EFCAB12: variants seen among roughly 807,000 people sequenced by gnomAD.
EFCAB12 encodes the protein EF-hand calcium binding domain 12, also known as EF-hand calcium-binding domain-containing protein 12.
Under a neutral mutation model 53.6 loss-of-function variants are expected in EFCAB12, and 43 were observed. The observed-to-expected ratio is 0.80, with a 90% CI of 0.63 to 1.03. The LOEUF (loss-of-function observed/expected upper bound fraction) is 1.03, where lower values mean the gene tolerates loss of function less well. Among genes scored for constraint, EFCAB12 ranks in the 50% least tolerant of loss-of-function variants. EFCAB12 has a pLI of 0.00. For missense variants in EFCAB12, 646 were observed against 730.6 expected (o/e 0.88, Z 1.34); for synonymous variants, 269 against 289.2 (o/e 0.93, Z 0.71).
At chr3:129,414,942 C>T (rs1559788584) in intron 4 of EFCAB12, 4 of 239,518 alleles carry the variant, frequency 1.7e-5, no homozygotes, top group Non-Finnish European at 3.2e-5. Context: ...GAAAGGCTTG[C>T]CATTTGGGTC....
Position 129,408,817 on chromosome 3 carries a change from C to T in EFCAB12, c.1077G>A (p.Leu359=). 1.3e-6 allele frequency: 2 copies of T among 1,577,004 alleles called. No homozygotes were observed. The highest frequency in any genetic ancestry group is 1.7e-6 in the Non-Finnish European group (2 of 1,161,244). Residue 359 remains leucine (L), a synonymous_variant, in exon 6 of 9, where the codon CTG becomes CTA. Transcript: ENST00000505956. ...PSIQYTEQCH[L]VRCGNRHFDE... Reference sequence around the variant, plus strand: ...CAAAGTGCCGATTCCCACAGCGCACCAGGTGACATTGCTCCGTGTACTGGA... The same window carrying T: ...CAAAGTGCCGATTCCCACAGCGCACTAGGTGACATTGCTCCGTGTACTGGA...
At chr3:129,415,091 G>T in intron 4 of EFCAB12, 154 bp downstream of exon 4, 1 of 824,080 alleles carries the variant, frequency 1.2e-6, no homozygotes, top group Non-Finnish European at 1.8e-6. Context: ...TAATCTCTGG[G>T]CCTGAAAATT....
intron 2 of EFCAB12, among the ~76,000 whole-genome samples, chr3:129,420,912 G>T (rs1404171814): frequency 6.6e-6 from 1 of 152,226 alleles, no homozygotes; most frequent in African/African-American, 2.4e-5. Flanking sequence ...TCTGGGGGAT[G>T]CCAGCAGACA....
chr3:129,410,628 A>G (rs1246488516), intron 5 of EFCAB12, among the ~76,000 whole-genome samples: 1 of 152,162 alleles, frequency 6.6e-6, no homozygotes, highest in East Asian at 1.9e-4. Context: ...TATATTATAT[A>G]TGAATATTTA....
intron 2 of EFCAB12, among the ~76,000 whole-genome samples, chr3:129,420,319 C>G (rs2072173199): frequency 6.6e-6 from 1 of 152,130 alleles, no homozygotes; most frequent in Non-Finnish European, 1.5e-5. Flanking sequence ...GAGGTAGGAA[C>G]AATGGTTGTC....
chr3:129,428,171 C>A (rs2072293944), intron 1 of EFCAB12, among the ~76,000 whole-genome samples: 1 of 152,236 alleles, frequency 6.6e-6, no homozygotes, highest in Non-Finnish European at 1.5e-5. Context: ...CTTCTCCATG[C>A]CTCTCCTCCA....
At chr3:129,419,472 T>A (rs1195665223) in intron 2 of EFCAB12, among the ~76,000 whole-genome samples, 1 of 152,224 alleles carries the variant, frequency 6.6e-6, no homozygotes, top group Non-Finnish European at 1.5e-5. Context: ...TCTGCTCTTA[T>A]GAATCCATTA....
At chr3:129,418,478 A>C (rs2072150180) in intron 2 of EFCAB12, 30 bp from the exon 3 acceptor site, 1 of 1,563,400 alleles carries the variant, frequency 6.4e-7, no homozygotes, top group Non-Finnish European at 8.7e-7. Flanking sequence ...AGGGCAGAGG[A>C]GAGAGTTCAA....
In EFCAB12 at chr3:129,401,750, A is replaced by G. The variant is rs568283923; in HGVS notation, c.1562T>C (p.Val521Ala). The G allele has an allele frequency of 6.2e-7, 1 of 1,607,310 alleles. No homozygotes were observed. Residue 521 changes from valine to alanine, a missense_variant, in exon 9 of 9, where the codon GTG (valine) becomes GCG (alanine). Coordinates refer to ENST00000505956, the MANE Select transcript of EFCAB12 (RefSeq NM_207307.3). ...GAGCGCCAGGCTCCGGTCTGTGGCCACAGTGGGCAGGTAGAGCTGCAGCTT... is the reference window on the plus strand; with the variant it reads ...GAGCGCCAGGCTCCGGTCTGTGGCCGCAGTGGGCAGGTAGAGCTGCAGCTT... ...LDKLQLYLPT[V>A]ATDRSLALFS...
chr3:129,403,402 C>T (rs1209501155), intron 7 of EFCAB12: 1 of 152,308 alleles, frequency 6.6e-6, no homozygotes, highest in Non-Finnish European at 1.5e-5. Context: ...GGCCCCTTTA[C>T]ATATGAAGAT....
In EFCAB12 at chr3:129,421,667, C is replaced by A; in HGVS notation, c.186G>T (p.Val62=). ...GGGGTGTCTGATCCTCCTTGCGAGG[C>A]ACCATGATGATTCGCCGGCGGGTCT... ...LPQTRRRIIM[V]PRKEDQTPLN... The change falls in exon 2 of 9, where the codon GTG becomes GTT. Residue 62 remains valine (V), a synonymous_variant. Transcript: ENST00000505956. The A allele has an allele frequency of 6.2e-7, 1 of 1,613,964 alleles. No homozygotes were observed. Among genetic ancestry groups the A allele is most frequent in the Non-Finnish European group, 8.5e-7 (1 of 1,179,892 alleles).
rs540464664 is a variant in EFCAB12 at position 129,408,001 on chromosome 3, C to T, written c.1249+644G>A. ...GTCATCTCGGGGCTGGGCCCTTCTC[C>T]GCTCCCACATATTAGAAGTGCTCAC... On this transcript the variant is annotated intron_variant, in intron 6 of 8. Transcript: ENST00000505956. 4.6e-5 allele frequency among the ~76,000 whole-genome samples: 7 copies of T among 152,290 alleles called. No homozygotes were observed. The South Asian group carries it at 8.3e-4, about 18-fold the overall frequency.
intron 3 of EFCAB12, among the ~76,000 whole-genome samples, chr3:129,416,166 C>A (rs1160260957): frequency 1.3e-5 from 2 of 151,620 alleles, no homozygotes; most frequent in Non-Finnish European, 2.9e-5. Context: ...CGTTTGTAAA[C>A]CCAGCACTTT....
At chr3:129,402,762 C>T in intron 7 of EFCAB12, 183 bp from the exon 8 acceptor site, 3 of 608,564 alleles carry the variant, frequency 4.9e-6, no homozygotes, top group Admixed American at 3.1e-5. Context: ...CAGGGGAACA[C>T]AGTGGGCTTG....
At chr3:129,409,942 C>T (rs1224832564) in intron 5 of EFCAB12, among the ~76,000 whole-genome samples, 1 of 151,924 alleles carries the variant, frequency 6.6e-6, no homozygotes, top group East Asian at 1.9e-4. Context: ...ATTATATGTA[C>T]AAATACAAAT....
Position 129,401,646 on chromosome 3 carries a change from T to G in EFCAB12, c.1666A>C (p.Asn556His), listed in dbSNP as rs759970192. The change falls in exon 9 of 9, where the codon AAC becomes CAC. Residue 556 changes from asparagine to histidine, a missense_variant. Asn to His is a moderately conservative substitution (Grantham distance 68). Coordinates refer to ENST00000505956, the MANE Select transcript of EFCAB12 (RefSeq NM_207307.3). ...PDHWWPLRNK[N>H]YMTHAHYDAA... The stretch of plus-strand genomic sequence containing the variant: ...TCATAATGGGCGTGGGTCATGTAGT[T>G]CTTGTTCCTAAGGGGCCACCAGTGG... The G allele has an allele frequency of 1.1e-5, 17 of 1,582,776 alleles. No homozygotes were observed. The highest frequency in any genetic ancestry group is 1.4e-5 in the Non-Finnish European group (16 of 1,164,140).
In EFCAB12 at chr3:129,401,805, T is replaced by C; in HGVS notation, c.1507A>G (p.Asn503Asp). Residue 503 changes from asparagine (N) to aspartate (D), a missense_variant, in exon 9 of 9, where the codon AAT becomes GAT. Asn to Asp is a conservative substitution (Grantham distance 23, BLOSUM62 1). Coordinates refer to ENST00000505956, the MANE Select transcript of EFCAB12 (RefSeq NM_207307.3). ...RSSGLQQTHP[N>D]SFWPGHLLDK... is the part of the protein sequence containing the mutation. ...AGAAGATGACCCGGCCAGAAGGAATTGGGGTGTGTTTGCTGCAGACCACTG... is the reference window on the plus strand; with the variant it reads ...AGAAGATGACCCGGCCAGAAGGAATCGGGGTGTGTTTGCTGCAGACCACTG... 6.2e-7 allele frequency: 1 copy of C among 1,613,240 alleles called. No individual in the cohort carries two copies. Among genetic ancestry groups the C allele is most frequent in the Non-Finnish European group, 8.5e-7 (1 of 1,179,566 alleles).
chr3:129,416,766 G>A lies in EFCAB12; in HGVS notation c.682-1365C>T, dbSNP rs532672513. On this transcript the variant is annotated intron_variant, in intron 3 of 8. Coordinates refer to ENST00000505956, the MANE Select transcript of EFCAB12 (RefSeq NM_207307.3). Reference sequence around the variant, plus strand: ...CCGGGCTCAAGTGATCCTCCCATCTGACCCTCCCATGTAGCTGGGACGACA... The same window carrying A: ...CCGGGCTCAAGTGATCCTCCCATCTAACCCTCCCATGTAGCTGGGACGACA... Among the ~76,000 whole-genome samples the A allele has an allele frequency of 7.2e-5, 11 of 152,216 alleles. No homozygotes were observed. The South Asian group carries it at 2.3e-3, about 32-fold the overall frequency.
intron 6 of EFCAB12, among the ~76,000 whole-genome samples, chr3:129,408,274 T>G (rs910278446): frequency 6.6e-6 from 1 of 152,202 alleles, no homozygotes; most frequent in Non-Finnish European, 1.5e-5. Context: ...CAAATATCCC[T>G]CTTCAATATT....
Sources: allele counts gnomAD v4.1 joint callset (sites outside exome capture counted in the v4.1 genomes callset), GRCh38; gene constraint gnomAD v4.1.1; transcripts MANE v1.5; gene names NCBI Gene and HGNC (gene_info 2026-07-23, HGNC 2026-07-21).